Variants in PCDHGA9 observed in about 807,000 individuals in gnomAD.
PCDHGA9 encodes protocadherin gamma subfamily A, 9, also known as protocadherin gamma-A9.
Under a neutral mutation model 62.5 loss-of-function variants are expected in PCDHGA9, and 37 were observed. The ratio of observed to expected loss-of-function variants is 0.59; its 90% CI spans 0.46 to 0.78. The LOEUF (loss-of-function observed/expected upper bound fraction) is 0.78, where lower values mean the gene tolerates loss of function less well. PCDHGA9 is among the 30% of genes least tolerant of loss of function. The probability of loss-of-function intolerance (pLI) is 0.00; values close to 1 mark genes in which losing one functional copy is unlikely to be tolerated. For synonymous variants in PCDHGA9, 459 were observed against 484.6 expected (o/e 0.95, Z 0.69); for missense variants, 1,138 against 1,166.2 (o/e 0.98, Z 0.35).
chr5:141,423,484 A>G, intron 1 of PCDHGA9: 1 of 1,613,722 alleles, frequency 6.2e-7, no homozygotes, highest in Non-Finnish European at 8.5e-7. Flanking sequence ...TTTCCTGCAA[A>G]CCTATTCCCA....
In PCDHGA9 at chr5:141,511,086, G is replaced by A. The variant is rs2099883600; in HGVS notation, c.2712G>A (p.Leu904=). The A allele has an allele frequency of 1.2e-6, 2 of 1,614,062 alleles. No individual in the cohort carries two copies. The highest frequency in any genetic ancestry group is 2.2e-5 in the East Asian group (1 of 44,886). The change falls in exon 4 of 4, where the codon CTG becomes CTA. Residue 904 remains leucine (L), a synonymous_variant. Transcript: ENST00000573521. ...ACATCCCAGGCAGCAATGCCACACT[G>A]ACCAACGCAGCTGGCAAGCGGGATG... is the stretch of plus-strand genomic sequence containing the variant. The part of the protein sequence containing the change: ...NVYIPGSNAT[L]TNAAGKRDGK...
Position 141,404,830 on chromosome 5 carries a change from G to A in PCDHGA9, c.1878G>A (p.Val626=), listed in dbSNP as rs775106144. The A allele has an allele frequency of 3.7e-6, 6 of 1,613,932 alleles. No individual in the cohort carries two copies. In the East Asian group the frequency reaches 1.3e-4, roughly 36 times the overall value. ...LFSVGLHTGE[V]RTARALLDRD... is the part of the protein sequence containing the mutation. ...CGGTGGGGCTGCACACAGGTGAAGT[G>A]CGCACAGCTCGGGCCCTGCTAGATA... The change falls in exon 1 of 4, where the codon GTG becomes GTA. Residue 626 remains valine (V), a synonymous_variant. Coordinates refer to ENST00000573521, the MANE Select transcript of PCDHGA9 (RefSeq NM_018921.3).
intron 1 of PCDHGA9, among the ~76,000 whole-genome samples, chr5:141,444,312 C>G (rs2098431691): frequency 6.6e-6 from 1 of 151,856 alleles, no homozygotes; most frequent in Non-Finnish European, 1.5e-5. Flanking sequence ...GCTAGGATTA[C>G]AGGCATGTGC....
chr5:141,460,075 C>T (rs2098981644), intron 1 of PCDHGA9, among the ~76,000 whole-genome samples: 2 of 151,896 alleles, frequency 1.3e-5, no homozygotes, highest in East Asian at 1.9e-4. Context: ...GAGACTTCAT[C>T]TAAAAAATAA....
At chr5:141,417,882 G>A (rs1170069976) in intron 1 of PCDHGA9, 8 of 1,560,746 alleles carry the variant, frequency 5.1e-6, no homozygotes, top group African/African-American at 1.4e-5. Flanking sequence ...TGCGCGCAGA[G>A]GCGCCGGGCC....
chr5:141,489,729 C>T lies in PCDHGA9; in HGVS notation c.2425-5078C>T, dbSNP rs760195181. ...ACAGTGCCCAGGATCCGGATGTGGGCACCAATACTGTGAGCTTTTACACTC... is the reference window on the plus strand; with the variant it reads ...ACAGTGCCCAGGATCCGGATGTGGGTACCAATACTGTGAGCTTTTACACTC... On this transcript the variant is annotated intron_variant, in intron 1 of 3. Transcript: ENST00000573521. The surrounding 1 kb of genome is among the most constrained non-coding windows in gnomAD (Gnocchi z 4.5). 2.5e-6 allele frequency: 4 copies of T among 1,614,152 alleles called. No individual in the cohort carries two copies. The highest frequency in any genetic ancestry group is 2.2e-5 in the East Asian group (1 of 44,876).
chr5:141,488,677 G>A (rs2099678276), intron 1 of PCDHGA9, among the ~76,000 whole-genome samples: 2 of 152,184 alleles, frequency 1.3e-5, no homozygotes, highest in African/African-American at 2.4e-5. Context: ...CATGGGCTTT[G>A]CCTCTCCCAG....
At chr5:141,419,159 T>G in intron 1 of PCDHGA9, 1 of 1,613,916 alleles carries the variant, frequency 6.2e-7, no homozygotes, top group Non-Finnish European at 8.5e-7. Flanking sequence ...TCCGTTATCC[T>G]CCAGCAAAAC....
intron 1 of PCDHGA9, chr5:141,409,037 T>A: frequency 3.7e-6 from 6 of 1,613,992 alleles, no homozygotes; most frequent in Non-Finnish European, 5.1e-6. Context: ...TGAGATAAAC[T>A]ACTACTTCCG....
At chr5:141,455,239 G>A (rs1034181635) in intron 1 of PCDHGA9, among the ~76,000 whole-genome samples, 1 of 151,898 alleles carries the variant, frequency 6.6e-6, no homozygotes, top group African/African-American at 2.4e-5. Context: ...AAATGTTAAA[G>A]GTCATAGTAC....
intron 1 of PCDHGA9, among the ~76,000 whole-genome samples, chr5:141,481,700 T>C (rs1283509788): frequency 2.0e-5 from 3 of 152,034 alleles, no homozygotes; most frequent in Non-Finnish European, 4.4e-5. Context: ...ACGCCTGTAA[T>C]CCCAGCACTT....
intron 1 of PCDHGA9, chr5:141,427,985 C>T (rs747784722): frequency 3.1e-6 from 5 of 1,597,522 alleles, no homozygotes; most frequent in African/African-American, 2.7e-5. Context: ...CGCTGGGGCC[C>T]GATGGCTCCG....
rs758715682 is a variant in PCDHGA9, at chr5:141,490,062, C to T, written c.2425-4745C>T. The T allele has an allele frequency of 2.6e-5, 42 of 1,614,100 alleles. No individual in the cohort carries two copies. The highest frequency in any genetic ancestry group is 3.3e-5 in the South Asian group (3 of 91,086). On this transcript the variant is annotated intron_variant, in intron 1 of 3. Coordinates refer to ENST00000573521, the MANE Select transcript of PCDHGA9 (RefSeq NM_018921.3). The surrounding 1 kb of genome is among the most constrained non-coding windows in gnomAD (Gnocchi z 5.4). The stretch of plus-strand genomic sequence containing the variant: ...CCACTGATCCAGACGAGGGCACCAA[C>T]GGCCAACTAGACTATTCTTTTGGAG...
intron 3 of PCDHGA9, among the ~76,000 whole-genome samples, chr5:141,506,417 A>C (rs1326078146): frequency 6.8e-6 from 1 of 147,658 alleles, no homozygotes; most frequent in Non-Finnish European, 1.5e-5. Context: ...ACTGCACTCC[A>C]GCCTGGGCAA....
intron 1 of PCDHGA9, chr5:141,423,330 C>G (rs932335651): frequency 9.9e-6 from 16 of 1,614,056 alleles, no homozygotes; most frequent in Middle Eastern, 1.6e-4. Flanking sequence ...TGGCCGCAGT[C>G]TCCTGCATCT....
rs1347978078 is a variant in PCDHGA9, at chr5:141,486,800, C to G, written c.2425-8007C>G. ...GGTGCAGGCCCGGGATCGGGGCAAC[C>G]CACCCCTTAGCAGCACTGTAACAGT... On this transcript the variant is annotated intron_variant, in intron 1 of 3. Coordinates refer to ENST00000573521, the MANE Select transcript of PCDHGA9 (RefSeq NM_018921.3). The surrounding 1 kb of genome is among the most constrained non-coding windows in gnomAD (Gnocchi z 5.0). 1.9e-6 allele frequency: 3 copies of G among 1,614,104 alleles called. No individual in the cohort carries two copies. In the Admixed American group the frequency reaches 5.0e-5, roughly 27 times the overall value.
Position 141,491,963 on chromosome 5 carries a change from C to A in PCDHGA9, c.2425-2844C>A. ...CCCCCACCCCTACACTCAAAAAAGG[C>A]CGGGGCCTCCTTCGAGCTTCCGGTG... On this transcript the variant is annotated intron_variant, in intron 1 of 3. Coordinates refer to ENST00000573521, the MANE Select transcript of PCDHGA9 (RefSeq NM_018921.3). This position sits in a 1 kb window ranked among gnomAD's most constrained non-coding sequence, Gnocchi z 6.9. 2 of 944,828 alleles carry A rather than the reference C, an allele frequency of 2.1e-6. No homozygotes were observed. Among genetic ancestry groups the A allele is most frequent in the Non-Finnish European group, 3.0e-6 (2 of 670,874 alleles). 58.5% of individuals were successfully genotyped at this position (944,828 alleles called of 1,614,324 possible).
In PCDHGA9 at chr5:141,403,348, G is replaced by C. The variant is rs1031512427; in HGVS notation, c.396G>C (p.Lys132Asn). Residue 132 changes from lysine (K) to asparagine (N), a missense_variant, in exon 1 of 4, where the codon AAG becomes AAC. Transcript: ENST00000573521. ...CTGATATTAACGACAGCGCCCCAAAGTTCCAGGCCGAAAGTCTGGAAGTAA... is the reference window on the plus strand; with the variant it reads ...CTGATATTAACGACAGCGCCCCAAACTTCCAGGCCGAAAGTCTGGAAGTAA... ...EVTDINDSAP[K>N]FQAESLEVKI... 1.2e-6 allele frequency: 2 copies of C among 1,614,052 alleles called. No homozygotes were observed. Among genetic ancestry groups the C allele is most frequent in the Middle Eastern group, 1.6e-4 (1 of 6,062 alleles).
intron 1 of PCDHGA9, chr5:141,410,775 T>A: frequency 1.0e-6 from 1 of 998,978 alleles, no homozygotes. Flanking sequence ...TAGTTTTCAC[T>A]ATGTATTTGG....
Sources: gnomAD v4.1 joint callset for allele counts (sites outside exome capture counted in the v4.1 genomes callset) on GRCh38, gnomAD v4.1.1 for gene constraint, Gnocchi (gnomAD v3.1) non-coding constraint, MANE v1.5 for transcripts, NCBI Gene and HGNC (gene_info 2026-07-23, HGNC 2026-07-21) for gene names.